TLE4: variants seen among roughly 807,000 people sequenced by gnomAD.
TLE4 encodes TLE family member 4, transcriptional corepressor.
TLE4 carries 8 observed loss-of-function variants against 92.8 expected under a neutral mutation model. That is an observed-to-expected ratio of 0.09 (90% confidence interval 0.05 to 0.16). The LOEUF is 0.16. Ranked by LOEUF, TLE4 falls within the 10% of genes least tolerant of loss-of-function variation. The pLI is 1.00. For missense variants in TLE4, 675 were observed against 997.6 expected, an observed-to-expected ratio of 0.68 and a Z score of 4.36; for synonymous variants, 371 against 374.1, an observed-to-expected ratio of 0.99 and a Z score of 0.10.
rs766784241 is a variant in TLE4, at chr9:79,708,744, T to TGCC, written c.1230_1232dup (p.Ala415dup). 2.5e-6 allele frequency: 4 copies of TGCC among 1,608,240 alleles called. No homozygotes were observed. In the East Asian group the frequency reaches 6.7e-5, roughly 27 times the overall value. On this transcript the variant is annotated inframe_insertion, in exon 13 of 20. Coordinates refer to ENST00000376552, the MANE Select transcript of TLE4 (RefSeq NM_007005.6). ...TCTCCCCTCAGATGAGCGCAGCTGC[T>TGCC]GCCGCCGCCGCTGCTGCTGCTGCCT...
chr9:79,700,328 A>G (rs1335749003), intron 8 of TLE4, among the ~76,000 whole-genome samples: 1 of 152,186 alleles, frequency 6.6e-6, no homozygotes. Context: ...AAAATTAGCT[A>G]ATTATAACAA....
At chr9:79,712,890 A>G (rs2073678573) in intron 14 of TLE4, among the ~76,000 whole-genome samples, 1 of 152,228 alleles carries the variant, frequency 6.6e-6, no homozygotes, top group African/African-American at 2.4e-5. Context: ...AAAATAAAAG[A>G]TCTCACGTTA....
chr9:79,652,856 G>A, intron 7 of TLE4, 62 bp downstream of exon 7: 1 of 1,503,208 alleles, frequency 6.7e-7, no homozygotes. Flanking sequence ...GGTAGGTTCT[G>A]GATGCTATTG....
At chr9:79,679,030 A>G (rs1382905399) in intron 8 of TLE4, among the ~76,000 whole-genome samples, 2 of 151,852 alleles carry the variant, frequency 1.3e-5, no homozygotes, top group African/African-American at 2.4e-5. Context: ...ATTGTTGGAC[A>G]TTTGGGTTGG....
rs181981403 is a variant in TLE4 at position 79,669,550 on chromosome 9, G to A, written c.609+15475G>A. On this transcript the variant is annotated intron_variant, in intron 8 of 19. Coordinates refer to ENST00000376552, the MANE Select transcript of TLE4 (RefSeq NM_007005.6). ...TTGGCCTGCAGTTTTGGTCTGAGGC[G>A]CTCTGGGCACCATCACTCACATTGT... Among the ~76,000 whole-genome samples, 20 of 152,124 alleles carry A rather than the reference G, an allele frequency of 1.3e-4. No individual in the cohort carries two copies. The East Asian group carries it at 3.5e-3, about 26-fold the overall frequency.
At position 79,708,144 on chromosome 9, in the gene TLE4, A is replaced by T. The variant is rs1162521935; in HGVS notation, c.963A>T (p.Ser321=). Residue 321 remains serine, a synonymous_variant, in exon 12 of 20, where the codon TCA becomes TCT. Transcript: ENST00000376552. ...ATGAAAAATCTACTACTCCCGTCTC[A>T]AAGTCCAATACCCCTACTCCACGAA... The part of the protein sequence containing the change: ...SLNEKSTTPV[S]KSNTPTPRTD... The T allele has an allele frequency of 6.2e-7, 1 of 1,614,056 alleles. No homozygotes were observed. Among genetic ancestry groups the T allele is most frequent in the South Asian group, 1.1e-5 (1 of 91,070 alleles).
intron 6 of TLE4, among the ~76,000 whole-genome samples, chr9:79,632,624 C>T (rs1477537460): frequency 6.6e-6 from 1 of 152,184 alleles, no homozygotes; most frequent in Non-Finnish European, 1.5e-5. Flanking sequence ...CTCAACTGTA[C>T]AACTCAGCTT....
chr9:79,634,179 T>C (rs992342731), intron 6 of TLE4, among the ~76,000 whole-genome samples: 2 of 152,234 alleles, frequency 1.3e-5, no homozygotes, highest in African/African-American at 4.8e-5. Context: ...TTGAGTGATA[T>C]TTTAAATTGT....
intron 4 of TLE4, among the ~76,000 whole-genome samples, chr9:79,588,135 C>CGTGTGTGTGTGTGTGTGGGTGT (rs2041624059): frequency 6.8e-6 from 1 of 146,716 alleles, no homozygotes; most frequent in African/African-American, 2.5e-5. Flanking sequence ...TTTATCCTTG[C>CGTGTGTGTGTGTGTGTGGGTGT]GTGTGTGTGT....
At chr9:79,592,877 G>A (rs775232778) in intron 4 of TLE4, among the ~76,000 whole-genome samples, 4 of 152,126 alleles carry the variant, frequency 2.6e-5, no homozygotes, top group Admixed American at 6.6e-5. Context: ...GTCAATAATT[G>A]TCTTGGGCAA....
intron 6 of TLE4, among the ~76,000 whole-genome samples, chr9:79,632,292 A>G (rs928533650): frequency 6.6e-5 from 10 of 152,312 alleles, no homozygotes; most frequent in Non-Finnish European, 1.2e-4. Flanking sequence ...GATGCCTTCT[A>G]TGCTACTCCA....
chr9:79,581,090 G>A (rs1049855211), intron 4 of TLE4, among the ~76,000 whole-genome samples: 2 of 152,152 alleles, frequency 1.3e-5, no homozygotes, highest in African/African-American at 2.4e-5. Flanking sequence ...TAATGTTAAC[G>A]GAGTGAAGGG....
chr9:79,720,349 T>G (rs2075359744), intron 16 of TLE4, 56 bp downstream of exon 16: 1 of 1,564,428 alleles, frequency 6.4e-7, no homozygotes, highest in South Asian at 1.2e-5. Context: ...TTACCATATT[T>G]TGCCAAAGTG....
At chr9:79,650,655 G>A (rs1182448185) in intron 6 of TLE4, among the ~76,000 whole-genome samples, 1 of 152,072 alleles carries the variant, frequency 6.6e-6, no homozygotes, top group Non-Finnish European at 1.5e-5. Flanking sequence ...CCACTTAAAT[G>A]AAGAGAATCA....
intron 14 of TLE4, among the ~76,000 whole-genome samples, chr9:79,713,015 G>A (rs1434810478): frequency 1.3e-5 from 2 of 152,186 alleles, no homozygotes; most frequent in South Asian, 4.1e-4. Flanking sequence ...AACCTTCAAC[G>A]AGTATTTGTT....
chr9:79,634,938 A>G (rs2055323902), intron 6 of TLE4, among the ~76,000 whole-genome samples: 3 of 152,172 alleles, frequency 2.0e-5, no homozygotes, highest in Admixed American at 2.0e-4. Flanking sequence ...TCTTATTTGG[A>G]TATTTTAAGT....
intron 8 of TLE4, among the ~76,000 whole-genome samples, chr9:79,667,610 C>G (rs967387120): frequency 2.6e-5 from 4 of 152,014 alleles, no homozygotes; most frequent in African/African-American, 9.7e-5. Flanking sequence ...TTTTAAAATA[C>G]TCCATTAAAA....
At chr9:79,707,568 A>G (rs2072010097) in intron 11 of TLE4, among the ~76,000 whole-genome samples, 3 of 152,358 alleles carry the variant, frequency 2.0e-5, no homozygotes, top group African/African-American at 7.2e-5. Flanking sequence ...AGGAAAGGAA[A>G]TTCCTCACTT....
intron 8 of TLE4, among the ~76,000 whole-genome samples, chr9:79,654,586 G>A (rs2059504465): frequency 1.3e-5 from 2 of 150,318 alleles, no homozygotes; most frequent in African/African-American, 4.9e-5. Context: ...TAACATTTTG[G>A]TATCTGGTAT....
Sources: allele counts gnomAD v4.1 joint callset (sites outside exome capture counted in the v4.1 genomes callset), GRCh38; gene constraint gnomAD v4.1.1; transcripts MANE v1.5; gene names NCBI Gene and HGNC (gene_info 2026-07-23, HGNC 2026-07-21).